The following WASF3 variants were observed in gnomAD, a reference collection of about 807,000 sequenced individuals.
The protein encoded by WASF3 is actin-binding protein WASF3.
WASF3 carries 11 observed loss-of-function variants against 46.6 expected under a neutral mutation model. That is an observed-to-expected ratio of 0.24 (90% CI 0.15 to 0.39). WASF3 has a LOEUF of 0.39. WASF3 is among the 10% of genes least tolerant of loss of function. The probability of loss-of-function intolerance (pLI) is 1.00; values close to 1 mark genes in which losing one functional copy is unlikely to be tolerated. For missense variants in WASF3, 576 were observed against 669.8 expected (o/e 0.86, Z 1.55); for synonymous variants, 242 against 259.7 (o/e 0.93, Z 0.65).
At chr13:26,672,209 A>T (rs907016311) in intron 6 of WASF3, among the ~76,000 whole-genome samples, 2 of 152,208 alleles carry the variant, frequency 1.3e-5, no homozygotes, top group Non-Finnish European at 2.9e-5. Flanking sequence ...GCTTTAACAA[A>T]AGTAGTTCCT....
intron 6 of WASF3, among the ~76,000 whole-genome samples, chr13:26,673,862 A>G (rs988353048): frequency 6.6e-6 from 1 of 152,216 alleles, no homozygotes; most frequent in African/African-American, 2.4e-5. Flanking sequence ...GTGTACACAC[A>G]GTGAGGGGTC....
chr13:26,546,242 A>G, the WASF3 span, among the ~76,000 whole-genome samples: 3 of 152,240 alleles, frequency 2.0e-5, no homozygotes, highest in African/African-American at 7.2e-5. Context: ...CAAATGAAGC[A>G]AAAACGCTTG....
At chr13:26,563,654 CAAA>C (rs34374716) in intron 1 of WASF3, among the ~76,000 whole-genome samples, 9 of 47,032 alleles carry the variant, frequency 1.9e-4, no homozygotes, top group African/African-American at 7.4e-4. Flanking sequence ...GACTCCATCT[CAAA>C]AAAAAAAAAA....
Position 26,642,587 on chromosome 13 carries a change from G to A in WASF3, c.133+184G>A, listed in dbSNP as rs143164302. On this transcript the variant is annotated intron_variant, in intron 3 of 9. Transcript: ENST00000335327. Reference sequence around the variant, plus strand: ...CTGGGCTTGTGATGCTTAACTTTAGGCAATGAAGATGTGATGCTCTTACCA... The same window carrying A: ...CTGGGCTTGTGATGCTTAACTTTAGACAATGAAGATGTGATGCTCTTACCA... Among the ~76,000 whole-genome samples the A allele has an allele frequency of 5.3e-5, 8 of 152,212 alleles. No individual in the cohort carries two copies. In the South Asian group the frequency reaches 8.3e-4, roughly 16 times the overall value.
chr13:26,580,779 C>A (rs1879955971), intron 1 of WASF3, among the ~76,000 whole-genome samples: 2 of 151,840 alleles, frequency 1.3e-5, no homozygotes, highest in African/African-American at 4.8e-5. Context: ...GCGTGTGCCA[C>A]CACACCCGGC....
At chr13:26,622,015 A>G (rs1881321362) in intron 2 of WASF3, among the ~76,000 whole-genome samples, 1 of 152,168 alleles carries the variant, frequency 6.6e-6, no homozygotes, top group South Asian at 2.1e-4. Context: ...TGCTTGGGTC[A>G]CTTTCATTCC....
intron 1 of WASF3, among the ~76,000 whole-genome samples, chr13:26,599,290 C>G (rs1024669805): frequency 3.4e-5 from 5 of 148,738 alleles, no homozygotes; most frequent in African/African-American, 1.2e-4. Flanking sequence ...TCAAGCAGTT[C>G]TCCTGCCTCA....
intron 1 of WASF3, among the ~76,000 whole-genome samples, chr13:26,593,895 C>T (rs1337373518): frequency 6.6e-6 from 1 of 152,170 alleles, no homozygotes; most frequent in African/African-American, 2.4e-5. Flanking sequence ...TGCTTTAAAT[C>T]AGTTCCTTCC....
At chr13:26,657,075 C>G (rs1831466) in intron 3 of WASF3, among the ~76,000 whole-genome samples, 40,691 of 151,982 alleles carry the variant, frequency 0.27, 6,032 homozygotes, top group East Asian at 0.57. Flanking sequence ...GGTTGAATTA[C>G]GACCAGAAGG....
intron 2 of WASF3, among the ~76,000 whole-genome samples, chr13:26,632,273 G>A (rs1881673919): frequency 6.6e-6 from 1 of 152,178 alleles, no homozygotes; most frequent in South Asian, 2.1e-4. Context: ...AATGCTTCCA[G>A]TTTTTGCCCA....
the WASF3 span, among the ~76,000 whole-genome samples, chr13:26,543,580 G>A: frequency 4.6e-5 from 7 of 152,096 alleles, no homozygotes; most frequent in South Asian, 2.1e-4. Context: ...GAGAAAGGGC[G>A]AACAGATGGT....
At chr13:26,651,833 G>C (rs1164900297) in intron 3 of WASF3, among the ~76,000 whole-genome samples, 1 of 152,186 alleles carries the variant, frequency 6.6e-6, no homozygotes, top group African/African-American at 2.4e-5. Context: ...GTGATAAATA[G>C]ACTTACACTG....
At chr13:26,544,013 C>T in the WASF3 span, among the ~76,000 whole-genome samples, 3 of 152,078 alleles carry the variant, frequency 2.0e-5, no homozygotes, top group Non-Finnish European at 4.4e-5. Context: ...TGGATGGAGG[C>T]TTTGTGGCCA....
intron 1 of WASF3, among the ~76,000 whole-genome samples, chr13:26,592,665 G>A (rs1056476616): frequency 3.9e-5 from 6 of 152,124 alleles, no homozygotes; most frequent in African/African-American, 1.4e-4. Flanking sequence ...ACCTCCAAAT[G>A]CATCACATTA....
Position 26,685,850 on chromosome 13 carries a change from AG to A in WASF3, c.*7del. 1.2e-6 allele frequency: 2 copies of A among 1,609,612 alleles called. No homozygotes were observed. The highest frequency in any genetic ancestry group is 1.7e-6 in the Non-Finnish European group (2 of 1,176,054). On this transcript the variant is annotated 3_prime_UTR_variant, in exon 10 of 10. Transcript: ENST00000335327. ...GAGAACGACTGGTCCGACTGAGCAA[AG>A]GCCGGCGGAGAGGCCGCGTGTGGGA... is the stretch of plus-strand genomic sequence containing the variant.
At chr13:26,636,155 G>A (rs1164425670) in intron 2 of WASF3, among the ~76,000 whole-genome samples, 2 of 152,368 alleles carry the variant, frequency 1.3e-5, no homozygotes, top group Non-Finnish European at 2.9e-5. Context: ...GCTGAGCTGT[G>A]GTGGGCTCCG....
upstream of WASF3, chr13:26,557,650 G>GC (rs887719276): frequency 5.1e-5 from 8 of 157,784 alleles, no homozygotes; most frequent in South Asian, 2.1e-4. Flanking sequence ...CTCCGGCCGA[G>GC]CCCCCCCGCC....
chr13:26,631,929 T>A (rs1881663361), intron 2 of WASF3, among the ~76,000 whole-genome samples: 1 of 152,182 alleles, frequency 6.6e-6, no homozygotes, highest in Non-Finnish European at 1.5e-5. Flanking sequence ...ATTCTCTTTG[T>A]AGCAATTGTG....
At chr13:26,577,950 T>A (rs781185718) in intron 1 of WASF3, among the ~76,000 whole-genome samples, 1 of 152,242 alleles carries the variant, frequency 6.6e-6, no homozygotes, top group Non-Finnish European at 1.5e-5. Flanking sequence ...TTATATTAAT[T>A]TGTATCATGT....
Sources: allele counts gnomAD v4.1 joint callset (sites outside exome capture counted in the v4.1 genomes callset), GRCh38; gene constraint gnomAD v4.1.1; transcripts MANE v1.5; gene names NCBI Gene and HGNC (gene_info 2026-07-23, HGNC 2026-07-21).